TMEM178B: variants seen among roughly 807,000 people sequenced by gnomAD.
TMEM178B encodes transmembrane protein 178B.
TMEM178B carries 5 observed loss-of-function variants against 31.0 expected under a neutral mutation model. The ratio of observed to expected loss-of-function variants is 0.16; its 90% CI spans 0.08 to 0.34. The LOEUF (loss-of-function observed/expected upper bound fraction) is 0.34. Ranked by LOEUF, TMEM178B falls within the 10% of genes least tolerant of loss-of-function variation. The probability of loss-of-function intolerance (pLI) is 1.00; values close to 1 mark genes in which losing one functional copy is unlikely to be tolerated. For missense variants in TMEM178B, 275 were observed against 400.3 expected, an observed-to-expected ratio of 0.69 and a Z score of 2.67; for synonymous variants, 164 against 164.0, an observed-to-expected ratio of 1.00 and a Z score of 0.00.
chr7:141,455,036 T>C (rs1447058973), intron 3 of TMEM178B, among the ~76,000 whole-genome samples: 1 of 152,124 alleles, frequency 6.6e-6, no homozygotes, highest in East Asian at 1.9e-4. Context: ...CTGAGCTCCT[T>C]TGGGCCCTCT....
At chr7:141,434,642 C>T (rs1801500970) in intron 2 of TMEM178B, among the ~76,000 whole-genome samples, 2 of 152,156 alleles carry the variant, frequency 1.3e-5, no homozygotes, top group African/African-American at 4.8e-5. Flanking sequence ...ATTCCAAACC[C>T]TCTTTTCCAG....
intron 1 of TMEM178B, among the ~76,000 whole-genome samples, chr7:141,109,624 A>AC (rs1347614793): frequency 1.3e-5 from 2 of 151,752 alleles, no homozygotes; most frequent in East Asian, 1.9e-4. Flanking sequence ...CTCACCATTA[A>AC]CCCCCCTTGT....
chr7:141,497,490 T>A, the TMEM178B span, among the ~76,000 whole-genome samples: 23 of 152,252 alleles, frequency 1.5e-4, no homozygotes, highest in Non-Finnish European at 3.1e-4. Flanking sequence ...AAACTGAGCA[T>A]CATATTGAAT....
intron 1 of TMEM178B, among the ~76,000 whole-genome samples, chr7:141,201,790 T>TA (rs1390853762): frequency 6.6e-6 from 1 of 152,164 alleles, no homozygotes; most frequent in Non-Finnish European, 1.5e-5. Flanking sequence ...TTAAGGGAGC[T>TA]ATGGAAGCAA....
At chr7:141,455,874 C>A (rs904843439) in intron 3 of TMEM178B, among the ~76,000 whole-genome samples, 6 of 152,254 alleles carry the variant, frequency 3.9e-5, no homozygotes, top group Admixed American at 1.3e-4. Flanking sequence ...AACCAGGTGG[C>A]AGGCTTGCCT....
the TMEM178B span, among the ~76,000 whole-genome samples, chr7:141,493,858 T>G: frequency 6.6e-6 from 1 of 152,220 alleles, no homozygotes; most frequent in Admixed American, 6.5e-5. Flanking sequence ...ACAAATTCAG[T>G]AGGGAAAATA....
At chr7:141,325,940 C>A (rs1050683205) in intron 2 of TMEM178B, among the ~76,000 whole-genome samples, 1 of 152,202 alleles carries the variant, frequency 6.6e-6, no homozygotes, top group East Asian at 1.9e-4. Context: ...AGATCACAGA[C>A]ACCTTTGGTA....
At chr7:141,241,897 A>T (rs1300990287) in intron 2 of TMEM178B, among the ~76,000 whole-genome samples, 1 of 152,214 alleles carries the variant, frequency 6.6e-6, no homozygotes, top group African/African-American at 2.4e-5. Flanking sequence ...TGTAAAATTT[A>T]TCGAGAGATC....
At chr7:141,216,463 G>T (rs1411404627) in intron 2 of TMEM178B, among the ~76,000 whole-genome samples, 6 of 45,912 alleles carry the variant, frequency 1.3e-4, no homozygotes, top group Non-Finnish European at 4.1e-4. Context: ...GCGCGCGCGC[G>T]TGTGTGTGTG....
intron 2 of TMEM178B, among the ~76,000 whole-genome samples, chr7:141,255,691 T>A (rs751544778): frequency 2.6e-5 from 4 of 152,070 alleles, no homozygotes; most frequent in Non-Finnish European, 5.9e-5. Flanking sequence ...CCTGTACCGA[T>A]ATGAATCTGT....
chr7:141,292,983 G>GTTGA (rs1371725001), intron 2 of TMEM178B, among the ~76,000 whole-genome samples: 1 of 151,866 alleles, frequency 6.6e-6, no homozygotes, highest in African/African-American at 2.4e-5. Context: ...CTGTGGAAGT[G>GTTGA]TTGAGCCTGC....
chr7:141,239,846 C>G (rs1161110494), intron 2 of TMEM178B, among the ~76,000 whole-genome samples: 1 of 152,168 alleles, frequency 6.6e-6, no homozygotes, highest in African/African-American at 2.4e-5. Context: ...TGGCAGTGAA[C>G]CTGGGCTTTG....
At chr7:141,122,418 T>C (rs1194197030) in intron 1 of TMEM178B, among the ~76,000 whole-genome samples, 2 of 152,238 alleles carry the variant, frequency 1.3e-5, no homozygotes, top group Non-Finnish European at 2.9e-5. Flanking sequence ...AGCATCTTTT[T>C]CAAGGGCTGT....
At chr7:141,397,778 T>C (rs1800683159) in intron 2 of TMEM178B, among the ~76,000 whole-genome samples, 1 of 152,238 alleles carries the variant, frequency 6.6e-6, no homozygotes, top group South Asian at 2.1e-4. Flanking sequence ...TAGGAAGCTA[T>C]ATTCCAATTC....
intron 3 of TMEM178B, among the ~76,000 whole-genome samples, chr7:141,456,073 G>A (rs532665571): frequency 6.6e-6 from 1 of 152,316 alleles, no homozygotes; most frequent in African/African-American, 2.4e-5. Flanking sequence ...TATGCACATT[G>A]ATGTCAAATA....
intron 3 of TMEM178B, among the ~76,000 whole-genome samples, chr7:141,454,023 CTG>C (rs145066715): frequency 0.013 from 1,985 of 152,060 alleles, 19 homozygotes; most frequent in Non-Finnish European, 0.021. Context: ...ATGTCAAGAG[CTG>C]TGTCCTTCCC....
intron 1 of TMEM178B, among the ~76,000 whole-genome samples, chr7:141,194,126 G>A (rs1026704921): frequency 5.9e-5 from 9 of 152,002 alleles, no homozygotes; most frequent in African/African-American, 2.4e-5. Flanking sequence ...TTGAGATTTG[G>A]GTGGGGACAC....
At chr7:141,276,540 A>T (rs1173894890) in intron 2 of TMEM178B, among the ~76,000 whole-genome samples, 2 of 151,996 alleles carry the variant, frequency 1.3e-5, no homozygotes, top group African/African-American at 2.4e-5. Context: ...GTCCCTTATA[A>T]AACCATCAGA....
intron 2 of TMEM178B, among the ~76,000 whole-genome samples, chr7:141,378,139 T>C (rs1309111052): frequency 1.3e-5 from 2 of 152,222 alleles, no homozygotes; most frequent in Non-Finnish European, 2.9e-5. Context: ...TCTGGTATGT[T>C]GTAGAACGTC....
Sources: gnomAD v4.1 joint callset for allele counts (sites outside exome capture counted in the v4.1 genomes callset) on GRCh38, gnomAD v4.1.1 for gene constraint, MANE v1.5 for transcripts, NCBI Gene and HGNC (gene_info 2026-07-23, HGNC 2026-07-21) for gene names.